LRRC49: variants seen among roughly 807,000 people sequenced by gnomAD.
LRRC49 encodes the protein leucine-rich repeat-containing protein 49.
LRRC49 carries 50 observed loss-of-function variants against 83.3 expected under a neutral mutation model. The observed-to-expected ratio is 0.60, with a 90% CI of 0.48 to 0.76. LRRC49 has a LOEUF of 0.76. LRRC49 is among the 30% of genes least tolerant of loss of function. The pLI, the probability that LRRC49 is intolerant of heterozygous loss-of-function variation, is 0.00. For synonymous variants in LRRC49, 286 were observed against 283.3 expected, an observed-to-expected ratio of 1.01 and a Z score of -0.10; for missense variants, 704 against 809.1, an observed-to-expected ratio of 0.87 and a Z score of 1.58.
chr15:70,959,751 TATATGAAAAGGC>T (rs1739821282), intron 8 of LRRC49, among the ~76,000 whole-genome samples: 1 of 152,158 alleles, frequency 6.6e-6, no homozygotes, highest in Admixed American at 6.5e-5. Context: ...TTCTAAAGTT[TATATGAAAAGGC>T]CAGACCTGGA....
chr15:70,864,590 C>G (rs1024703352), intron 1 of LRRC49, among the ~76,000 whole-genome samples: 4 of 152,208 alleles, frequency 2.6e-5, no homozygotes, highest in African/African-American at 7.2e-5. Context: ...ACTCTTCTGT[C>G]CTTTAAACGT....
At position 71,019,341 on chromosome 15, in the gene LRRC49, G is replaced by A. The variant is rs562128335; in HGVS notation, c.1703+6428G>A. Among the ~76,000 whole-genome samples the A allele has an allele frequency of 5.3e-5, 8 of 152,204 alleles. No individual in the cohort carries two copies. In the South Asian group the frequency reaches 1.7e-3, roughly 32 times the overall value. On this transcript the variant is annotated intron_variant, in intron 14 of 15. Coordinates refer to ENST00000260382, the MANE Select transcript of LRRC49 (RefSeq NM_017691.5). ...TCTCATTAGCATAAAAAACATTCTC[G>A]TTACTCTTGCAATTCCAAGGGTTTT... is the stretch of plus-strand genomic sequence containing the variant.
intron 8 of LRRC49, among the ~76,000 whole-genome samples, chr15:70,942,033 A>ATTTGTGTGTGTGTGTGTGTG (rs1340541101): frequency 6.9e-6 from 1 of 144,088 alleles, no homozygotes; most frequent in African/African-American, 2.6e-5. Context: ...TGTAAAGGTT[A>ATTTGTGTGTGTGTGTGTGTG]TGTGTGTGTG....
At chr15:70,857,050 T>A (rs998300478) in intron 1 of LRRC49, among the ~76,000 whole-genome samples, 2 of 152,156 alleles carry the variant, frequency 1.3e-5, no homozygotes, top group Admixed American at 1.3e-4. Context: ...GACCTCAGCC[T>A]GGAGTTGGCA....
chr15:70,931,828 A>G (rs942907930), intron 7 of LRRC49, among the ~76,000 whole-genome samples: 15 of 152,166 alleles, frequency 9.9e-5, no homozygotes, highest in African/African-American at 3.4e-4. Context: ...CCTTCTAGAC[A>G]GTTTTGCCAG....
intron 2 of LRRC49, among the ~76,000 whole-genome samples, chr15:70,874,314 A>G (rs1010874422): frequency 6.6e-6 from 1 of 152,204 alleles, no homozygotes; most frequent in Non-Finnish European, 1.5e-5. Context: ...ACAGGGATTA[A>G]GAGCCAGGAG....
At chr15:70,913,181 GC>G (rs1208190008) in intron 6 of LRRC49, among the ~76,000 whole-genome samples, 2 of 152,186 alleles carry the variant, frequency 1.3e-5, no homozygotes, top group Non-Finnish European at 2.9e-5. Context: ...GGGAATCCCT[GC>G]CTGTTGATGA....
At chr15:70,993,236 C>G (rs1406767822) in intron 11 of LRRC49, among the ~76,000 whole-genome samples, 1 of 152,176 alleles carries the variant, frequency 6.6e-6, no homozygotes, top group African/African-American at 2.4e-5. Flanking sequence ...TGGAAAAGTG[C>G]TGTATTAGGG....
intron 8 of LRRC49, among the ~76,000 whole-genome samples, chr15:70,960,703 A>G (rs971776923): frequency 3.9e-5 from 6 of 152,208 alleles, no homozygotes; most frequent in African/African-American, 1.4e-4. Flanking sequence ...CTTTTCAGCA[A>G]ATGGTAATGG....
At chr15:70,904,817 C>T in intron 5 of LRRC49, 62 bp downstream of exon 5, 20 of 1,252,998 alleles carry the variant, frequency 1.6e-5, no homozygotes, top group Non-Finnish European at 2.1e-5. Flanking sequence ...GTGGAGATGA[C>T]AACTTAGAAT....
intron 9 of LRRC49, among the ~76,000 whole-genome samples, chr15:70,965,844 ATTTAGTCTCGTCT>A (rs894027790): frequency 4.2e-4 from 64 of 152,032 alleles, no homozygotes; most frequent in African/African-American, 1.5e-3. Context: ...GACTTATGGT[ATTTAGTCTCGTCT>A]TTTATTTATA....
intron 1 of LRRC49, chr15:70,859,786 C>A: frequency 1.6e-5 from 12 of 745,372 alleles, no homozygotes; most frequent in South Asian, 1.5e-4. Context: ...AGCTGGAGGC[C>A]TCTCTGCAAT....
At chr15:70,962,898 C>A (rs965443663) in intron 8 of LRRC49, among the ~76,000 whole-genome samples, 4 of 151,812 alleles carry the variant, frequency 2.6e-5, no homozygotes, top group Non-Finnish European at 4.4e-5. Flanking sequence ...ATTGGAGAAA[C>A]CTGAAGAACA....
chr15:70,919,100 T>C lies in LRRC49; in HGVS notation c.618T>C (p.Asn206=). The stretch of plus-strand genomic sequence containing the variant: ...ATTTGTGTGAGTTGAGAGTTTTAAA[T>C]CTTGCCAGGAACTTTTTAAGTCATG... ...INHLCELRVL[N]LARNFLSHVD... The change falls in exon 7 of 16, where the codon AAT becomes AAC. Residue 206 remains asparagine (N), a synonymous_variant. Coordinates refer to ENST00000260382, the MANE Select transcript of LRRC49 (RefSeq NM_017691.5). 1 of 1,612,374 alleles carries C rather than the reference T, an allele frequency of 6.2e-7. No homozygotes were observed. Among genetic ancestry groups the C allele is most frequent in the Non-Finnish European group, 8.5e-7 (1 of 1,178,740 alleles).
chr15:71,037,464 C>A, intron 15 of LRRC49, 132 bp downstream of exon 15: 1 of 693,896 alleles, frequency 1.4e-6, no homozygotes, highest in South Asian at 2.5e-5. Flanking sequence ...CCTTATATTA[C>A]AAAGCCAGGG....
chr15:70,904,359 A>C (rs1270383755), intron 4 of LRRC49, among the ~76,000 whole-genome samples, 193 bp from the exon 5 acceptor site: 1 of 152,162 alleles, frequency 6.6e-6, no homozygotes, highest in Admixed American at 6.5e-5. Flanking sequence ...AAACCCTGTC[A>C]AAGTCTATTG....
intron 4 of LRRC49, among the ~76,000 whole-genome samples, chr15:70,901,573 AT>A (rs1396475860): frequency 6.6e-6 from 1 of 151,968 alleles, no homozygotes; most frequent in East Asian, 1.9e-4. Flanking sequence ...TTCAGGGATG[AT>A]TTTTCTCTGG....
chr15:70,990,113 C>T (rs1255987043), intron 11 of LRRC49, among the ~76,000 whole-genome samples: 3 of 152,276 alleles, frequency 2.0e-5, no homozygotes, highest in East Asian at 1.9e-4. Flanking sequence ...GCAGTCTGCC[C>T]GTTCTCAGAT....
At chr15:71,030,272 T>G (rs1451127395) in intron 14 of LRRC49, among the ~76,000 whole-genome samples, 1 of 152,214 alleles carries the variant, frequency 6.6e-6, no homozygotes, top group African/African-American at 2.4e-5. Flanking sequence ...CCTTCACTTA[T>G]GAAGCTTAGT....
Sources: gnomAD v4.1 joint callset for allele counts (sites outside exome capture counted in the v4.1 genomes callset) on GRCh38, gnomAD v4.1.1 for gene constraint, MANE v1.5 for transcripts, NCBI Gene and HGNC (gene_info 2026-07-23, HGNC 2026-07-21) for gene names.